Variants in MMD2 observed in about 807,000 individuals in gnomAD.
MMD2 encodes monocyte to macrophage differentiation associated 2, also known as monocyte to macrophage differentiation factor 2.
MMD2 carries 30 observed loss-of-function variants against 33.5 expected under a neutral mutation model. That is an observed-to-expected ratio of 0.90 (90% CI 0.67 to 1.22). MMD2 has a LOEUF of 1.22. Among genes scored for constraint, MMD2 ranks in the 50% most tolerant of loss-of-function variants. MMD2 has a pLI of 0.00. For missense variants in MMD2, 364 were observed against 325.4 expected (o/e 1.12, Z -0.91); for synonymous variants, 129 against 123.0 (o/e 1.05, Z -0.32).
chr7:4,948,405 A>C (rs1322471418), intron 1 of MMD2, among the ~76,000 whole-genome samples: 1 of 152,088 alleles, frequency 6.6e-6, no homozygotes, highest in Non-Finnish European at 1.5e-5. Flanking sequence ...TGCCTGTAGT[A>C]CCAGCTACTC....
downstream of MMD2, among the ~76,000 whole-genome samples, chr7:4,903,541 C>G (rs1784822223): frequency 4.6e-5 from 7 of 152,244 alleles, no homozygotes; most frequent in South Asian, 1.4e-3. Flanking sequence ...TGACTCAAAT[C>G]CTTCCCTGGC....
rs373937600 is a variant in MMD2 at position 4,946,333 on chromosome 7, C to T, written c.47+12638G>A. ...AGAATAGCCATGCTCCAAACATGGA[C>T]GGATCAATTTGTTTCCCTCTGCGGC... is the stretch of plus-strand genomic sequence containing the variant. On this transcript the variant is annotated intron_variant, in intron 1 of 6. Transcript: ENST00000401401. The surrounding 1 kb of genome is among the most constrained non-coding windows in gnomAD (Gnocchi z 5.0). Among the ~76,000 whole-genome samples, 2 of 152,180 alleles carry T rather than the reference C, an allele frequency of 1.3e-5. No individual in the cohort carries two copies. Among genetic ancestry groups the T allele is most frequent in the African/African-American group, 4.8e-5 (2 of 41,450 alleles).
intron 1 of MMD2, among the ~76,000 whole-genome samples, chr7:4,935,768 T>C (rs931390896): frequency 5.3e-5 from 8 of 152,072 alleles, no homozygotes; most frequent in Middle Eastern, 6.8e-3. Flanking sequence ...CCAATGTCAG[T>C]TTCTTGCTTT....
Position 4,940,186 on chromosome 7 carries a change from C to T in MMD2, c.48-14654G>A, listed in dbSNP as rs995229964. 2.6e-5 allele frequency among the ~76,000 whole-genome samples: 4 copies of T among 152,154 alleles called. No homozygotes were observed. Among genetic ancestry groups the T allele is most frequent in the Non-Finnish European group, 4.4e-5 (3 of 68,028 alleles). The stretch of plus-strand genomic sequence containing the variant: ...CCTGAGGCCTGGCATGTTGAGCATC[C>T]TGACCTGGGTGCAGGGTCCGGCACA... On this transcript the variant is annotated intron_variant, in intron 1 of 6. Transcript: ENST00000401401. The surrounding 1 kb of genome is among the most constrained non-coding windows in gnomAD (Gnocchi z 5.0).
intron 1 of MMD2, among the ~76,000 whole-genome samples, chr7:4,929,759 A>T (rs1397384619): frequency 6.6e-6 from 1 of 151,738 alleles, no homozygotes; most frequent in Admixed American, 6.6e-5. Flanking sequence ...TCCTCACCTC[A>T]TGATCTGCCT....
intron 1 of MMD2, among the ~76,000 whole-genome samples, chr7:4,929,554 T>A (rs1418735966): frequency 6.6e-6 from 1 of 151,802 alleles, no homozygotes; most frequent in Non-Finnish European, 1.5e-5. Context: ...AGACGGAGTC[T>A]TGCTCTGTCG....
chr7:4,925,923 C>T (rs1427333644), intron 1 of MMD2, among the ~76,000 whole-genome samples: 3 of 152,186 alleles, frequency 2.0e-5, no homozygotes, highest in Admixed American at 1.3e-4. Flanking sequence ...AAGCAATTCT[C>T]TTGCCTCAGC....
intron 1 of MMD2, among the ~76,000 whole-genome samples, chr7:4,955,228 A>G (rs1047976910): frequency 1.3e-5 from 2 of 152,184 alleles, no homozygotes; most frequent in African/African-American, 2.4e-5. Context: ...TTGCCCAGCC[A>G]TGCACCAACA....
At chr7:4,899,537 G>A in the MMD2 span, among the ~76,000 whole-genome samples, 3 of 151,974 alleles carry the variant, frequency 2.0e-5, no homozygotes, top group Non-Finnish European at 2.9e-5. Flanking sequence ...ACAGGCATAA[G>A]CCACTGTGCC....
At chr7:4,909,849 G>A (rs1012102046) in intron 6 of MMD2, 32 bp downstream of exon 6, 8 of 1,593,176 alleles carry the variant, frequency 5.0e-6, no homozygotes, top group Non-Finnish European at 6.8e-6. Context: ...TCTCTTGCAG[G>A]GACTCATCTA....
the MMD2 span, among the ~76,000 whole-genome samples, chr7:4,894,409 G>A: frequency 3.3e-5 from 5 of 152,144 alleles, no homozygotes; most frequent in African/African-American, 1.2e-4. The surrounding 1 kb of genome is among the most constrained non-coding windows in gnomAD (Gnocchi z 4.3). Flanking sequence ...ACTACCCCTC[G>A]CAGGAGTAGC....
At chr7:4,929,999 G>A (rs1785532989) in intron 1 of MMD2, among the ~76,000 whole-genome samples, 1 of 152,056 alleles carries the variant, frequency 6.6e-6, no homozygotes, top group African/African-American at 2.4e-5. Flanking sequence ...GCCGGGTATG[G>A]TGGCTCACAC....
chr7:4,898,803 A>G, the MMD2 span, among the ~76,000 whole-genome samples: 1 of 152,062 alleles, frequency 6.6e-6, no homozygotes, highest in Non-Finnish European at 1.5e-5. Context: ...GGAGGCTGAG[A>G]CAGGATAATT....
At chr7:4,899,393 CT>C in the MMD2 span, among the ~76,000 whole-genome samples, 669 of 144,944 alleles carry the variant, frequency 4.6e-3, 2 homozygotes, top group Non-Finnish European at 5.3e-3. Context: ...ATGTATTTTT[CT>C]TTTTTTTTTT....
intron 1 of MMD2, among the ~76,000 whole-genome samples, chr7:4,948,518 C>T (rs1287688757): frequency 6.6e-6 from 1 of 151,398 alleles, no homozygotes; most frequent in Non-Finnish European, 1.5e-5. Context: ...AGCGAGACTC[C>T]GTCTCACCGA....
chr7:4,900,366 T>C, the MMD2 span, among the ~76,000 whole-genome samples: 1 of 152,244 alleles, frequency 6.6e-6, no homozygotes, highest in African/African-American at 2.4e-5. Context: ...GTGCGCATAT[T>C]ATCTGTTATA....
chr7:4,920,359 G>T (rs2115103577), intron 2 of MMD2, 28 bp from the exon 3 acceptor site: 1 of 1,595,830 alleles, frequency 6.3e-7, no homozygotes, highest in Non-Finnish European at 8.5e-7. Flanking sequence ...GCAGGGACAG[G>T]TGCAGCAGCT....
chr7:4,958,439 G>A (rs1167302916), intron 1 of MMD2, among the ~76,000 whole-genome samples: 1 of 152,084 alleles, frequency 6.6e-6, no homozygotes, highest in Non-Finnish European at 1.5e-5. Flanking sequence ...GAAAAGACCA[G>A]GATGTACAGG....
chr7:4,911,794 A>C (rs1785019930), intron 4 of MMD2, among the ~76,000 whole-genome samples: 1 of 151,800 alleles, frequency 6.6e-6, no homozygotes, highest in South Asian at 2.1e-4. Context: ...GATTACAGGC[A>C]TGCGCCACCA....
Sources: gnomAD v4.1 joint callset for allele counts (sites outside exome capture counted in the v4.1 genomes callset) on GRCh38, gnomAD v4.1.1 for gene constraint, Gnocchi (gnomAD v3.1) non-coding constraint, MANE v1.5 for transcripts, NCBI Gene and HGNC (gene_info 2026-07-23, HGNC 2026-07-21) for gene names.